Variants in TRAPPC9 observed in about 807,000 individuals in gnomAD.
TRAPPC9 encodes trafficking protein particle complex subunit 9.
Under a neutral mutation model 124.0 loss-of-function variants are expected in TRAPPC9, and 83 were observed. That is an observed-to-expected ratio of 0.67 (90% CI 0.56 to 0.80). TRAPPC9 has a LOEUF of 0.80. Among genes scored for constraint, TRAPPC9 ranks in the 30% least tolerant of loss-of-function variants. The pLI is 0.00. For missense variants in TRAPPC9, 1,302 were observed against 1,508.3 expected (o/e 0.86, Z 2.27); for synonymous variants, 638 against 617.5 (o/e 1.03, Z -0.49).
At chr8:139,756,480 A>T (rs1229852871) in intron 21 of TRAPPC9, among the ~76,000 whole-genome samples, 1 of 133,730 alleles carries the variant, frequency 7.5e-6, no homozygotes, top group African/African-American at 3.0e-5. Flanking sequence ...TTTGGGGATG[A>T]GGACAGCAGG....
intron 15 of TRAPPC9, among the ~76,000 whole-genome samples, chr8:140,266,686 A>C (rs1364715967): frequency 6.6e-6 from 1 of 151,700 alleles, no homozygotes; most frequent in South Asian, 2.1e-4. Context: ...GTGCAAACCC[A>C]TCTCTACTAA....
intron 10 of TRAPPC9, among the ~76,000 whole-genome samples, chr8:140,310,504 T>C (rs963027504): frequency 6.6e-6 from 1 of 152,192 alleles, no homozygotes; most frequent in Non-Finnish European, 1.5e-5. Context: ...CATAAACCTT[T>C]TGCAGGTCCT....
intron 21 of TRAPPC9, among the ~76,000 whole-genome samples, chr8:139,780,503 T>A (rs1821730502): frequency 6.6e-6 from 1 of 152,100 alleles, no homozygotes; most frequent in African/African-American, 2.4e-5. Flanking sequence ...GACATAGACT[T>A]TATGCCCTTC....
intron 17 of TRAPPC9, among the ~76,000 whole-genome samples, chr8:140,117,992 A>T (rs555042764): frequency 1.3e-5 from 2 of 152,378 alleles, no homozygotes; most frequent in South Asian, 4.1e-4. Context: ...TTTACCTGCA[A>T]CCACTAGGAA....
intron 17 of TRAPPC9, among the ~76,000 whole-genome samples, chr8:140,120,697 C>G (rs1163515750): frequency 6.6e-6 from 1 of 151,742 alleles, no homozygotes; most frequent in African/African-American, 2.4e-5. Context: ...ATCCATCCAT[C>G]CAACATCCAT....
intron 19 of TRAPPC9, among the ~76,000 whole-genome samples, chr8:139,929,511 G>A (rs1020028442): frequency 1.3e-5 from 2 of 149,292 alleles, no homozygotes; most frequent in Non-Finnish European, 3.0e-5. Context: ...CGAGGTGGGC[G>A]GATCATGAGA....
chr8:140,103,325 T>C (rs1207557527), intron 17 of TRAPPC9, among the ~76,000 whole-genome samples: 1 of 152,164 alleles, frequency 6.6e-6, no homozygotes, highest in Admixed American at 6.5e-5. Context: ...GGACTAGTAA[T>C]AGGACCCACC....
At chr8:139,975,241 T>C (rs183492681) in intron 19 of TRAPPC9, among the ~76,000 whole-genome samples, 2 of 152,232 alleles carry the variant, frequency 1.3e-5, no homozygotes, top group Non-Finnish European at 2.9e-5. Context: ...CTAGAGACAG[T>C]GGCGACTGCT....
chr8:139,996,188 G>GAAAACAAAAAAAAAAAAAAAAAAA (rs1837980403), intron 18 of TRAPPC9, among the ~76,000 whole-genome samples: 1 of 68,886 alleles, frequency 1.5e-5, no homozygotes, highest in Non-Finnish European at 3.4e-5. Flanking sequence ...AAAAAGAAAG[G>GAAAACAAAAAAAAAAAAAAAAAAA]AAAGAAAAAA....
intron 17 of TRAPPC9, among the ~76,000 whole-genome samples, chr8:140,107,874 T>C (rs2130456627): frequency 7.8e-6 from 1 of 128,124 alleles, no homozygotes; most frequent in East Asian, 2.0e-4. Flanking sequence ...GAGTGAAACA[T>C]TTAAGTCTGG....
rs531972600 is a variant in TRAPPC9 at position 139,993,538 on chromosome 8, C to T, written c.2700-4702G>A. ...GACCGAACAATTCCATTTGTAGCTGCCTATCTTGGATCAACTCAGAGTTTG... is the reference window on the plus strand; with the variant it reads ...GACCGAACAATTCCATTTGTAGCTGTCTATCTTGGATCAACTCAGAGTTTG... On this transcript the variant is annotated intron_variant, in intron 18 of 22. Transcript: ENST00000438773. Among the ~76,000 whole-genome samples, 3 of 152,250 alleles carry T rather than the reference C, an allele frequency of 2.0e-5. No homozygotes were observed. In the South Asian group the frequency reaches 6.2e-4, roughly 32 times the overall value.
chr8:140,073,903 A>G (rs373484749), intron 17 of TRAPPC9, among the ~76,000 whole-genome samples: 3 of 152,152 alleles, frequency 2.0e-5, no homozygotes, highest in African/African-American at 7.2e-5. Context: ...CACCTATTGC[A>G]TCCCTGATAT....
intron 21 of TRAPPC9, among the ~76,000 whole-genome samples, chr8:139,856,054 T>C (rs548147559): frequency 6.6e-6 from 1 of 152,256 alleles, no homozygotes; most frequent in South Asian, 2.1e-4. Flanking sequence ...ATAAAAATGA[T>C]GCTCTCCAGC....
At chr8:140,425,567 AC>A (rs2070392502) in intron 5 of TRAPPC9, among the ~76,000 whole-genome samples, 1 of 151,932 alleles carries the variant, frequency 6.6e-6, no homozygotes, top group Non-Finnish European at 1.5e-5. Flanking sequence ...GCTCTAAGCT[AC>A]TTCTATATGG....
At chr8:139,815,919 T>G (rs1824799493) in intron 21 of TRAPPC9, among the ~76,000 whole-genome samples, 1 of 152,178 alleles carries the variant, frequency 6.6e-6, no homozygotes, top group Non-Finnish European at 1.5e-5. Context: ...CCTTGAGACC[T>G]GACGTAGAAG....
rs1563803939 is a variant in TRAPPC9, at chr8:140,156,961, TTTTCCATTCAAAAGCCTCCC to T, written c.2556+64478_2556+64497del. On this transcript the variant is annotated intron_variant, in intron 17 of 22. Coordinates refer to ENST00000438773, the MANE Select transcript of TRAPPC9 (RefSeq NM_001160372.4). ...CTCCCTTTCCATTCAAAAGCCTCCCTTTTCCATTCAAAAGCCTCCCTTTCCATTCAAAAGCCTCCCTTTTC... is the reference window on the plus strand; with the variant it reads ...CTCCCTTTCCATTCAAAAGCCTCCCTTTTCCATTCAAAAGCCTCCCTTTTC... 7.0e-3 allele frequency among the ~76,000 whole-genome samples: 701 copies of T among 99,506 alleles called. 43 individuals are homozygous for T. The highest frequency in any genetic ancestry group is 0.016 in the Middle Eastern group (3 of 186). The allele number at this position is 99,506 out of a possible 152,430, so 65.3% of individuals were successfully genotyped here. A position where few individuals can be genotyped will look rare whatever the true frequency, so the allele number is the denominator to read the frequency against.
At chr8:139,858,384 C>T (rs2130965129) in intron 21 of TRAPPC9, among the ~76,000 whole-genome samples, 1 of 152,370 alleles carries the variant, frequency 6.6e-6, no homozygotes, top group East Asian at 1.9e-4. Flanking sequence ...CTCCGCCCAG[C>T]TGCTGAGACC....
intron 10 of TRAPPC9, among the ~76,000 whole-genome samples, chr8:140,306,532 A>G (rs2066142236): frequency 6.6e-6 from 1 of 151,992 alleles, no homozygotes; most frequent in Admixed American, 6.6e-5. Context: ...ATATGGAGCA[A>G]GGACATCACA....
chr8:140,348,081 T>C (rs921555310), intron 9 of TRAPPC9, among the ~76,000 whole-genome samples: 3 of 152,212 alleles, frequency 2.0e-5, no homozygotes, highest in Non-Finnish European at 4.4e-5. Context: ...AACAAAAATG[T>C]CAGTCAAAGG....
Sources: allele counts gnomAD v4.1 joint callset (sites outside exome capture counted in the v4.1 genomes callset), GRCh38; gene constraint gnomAD v4.1.1; transcripts MANE v1.5; gene names NCBI Gene and HGNC (gene_info 2026-07-23, HGNC 2026-07-21).